The following ACVR1B variants were observed in gnomAD, a reference collection of about 807,000 sequenced individuals.
ACVR1B encodes activin A receptor type 1B.
In ACVR1B, 15 loss-of-function variants were observed where a neutral mutation model predicts 55.6. That is an observed-to-expected ratio of 0.27 (90% CI 0.18 to 0.42). The LOEUF is 0.42. Among genes scored for constraint, ACVR1B ranks in the 10% least tolerant of loss-of-function variants. ACVR1B has a pLI of 1.00. For synonymous variants in ACVR1B, 247 were observed against 254.6 expected (o/e 0.97, Z 0.28); for missense variants, 359 against 670.1 (o/e 0.54, Z 5.13).
intron 4 of ACVR1B, chr12:51,982,735 T>A: frequency 6.5e-7 from 1 of 1,534,594 alleles, no homozygotes. Flanking sequence ...TGGTCTCTGC[T>A]GCCCCCAAGC....
chr12:51,963,363 A>G (rs1022404895), intron 1 of ACVR1B, among the ~76,000 whole-genome samples: 4 of 151,896 alleles, frequency 2.6e-5, no homozygotes, highest in African/African-American at 9.7e-5. Flanking sequence ...TCCTGTCTCA[A>G]CCTTCTGAGT....
At chr12:51,976,728 C>G (rs1565616947) in intron 3 of ACVR1B, among the ~76,000 whole-genome samples, 153 bp downstream of exon 3, 2 of 151,780 alleles carry the variant, frequency 1.3e-5, no homozygotes, top group South Asian at 4.1e-4. Flanking sequence ...TGGAGTCTGA[C>G]GTGTAATAAG....
chr12:51,980,511 C>T (rs1432852037), intron 3 of ACVR1B, among the ~76,000 whole-genome samples: 1 of 152,172 alleles, frequency 6.6e-6, no homozygotes, highest in Non-Finnish European at 1.5e-5. Flanking sequence ...ACAGCACTGC[C>T]CTCTAGTGGC....
chr12:51,986,220 C>T (rs1279280106), intron 6 of ACVR1B, among the ~76,000 whole-genome samples: 1 of 152,150 alleles, frequency 6.6e-6, no homozygotes, highest in Non-Finnish European at 1.5e-5. Context: ...GTACTTCTGC[C>T]AAGAAGTCAA....
At chr12:51,967,417 G>A (rs1723710770) in intron 1 of ACVR1B, among the ~76,000 whole-genome samples, 1 of 151,896 alleles carries the variant, frequency 6.6e-6, no homozygotes, top group African/African-American at 2.4e-5. Context: ...AAATTAGTTG[G>A]GTGTGGTGGC....
chr12:51,964,024 A>G (rs111327786), intron 1 of ACVR1B, among the ~76,000 whole-genome samples: 19,288 of 152,282 alleles, frequency 0.13, 1,699 homozygotes, highest in Non-Finnish European at 0.19. Flanking sequence ...TTTGATTTGC[A>G]TTTGAATTTG....
intron 7 of ACVR1B, among the ~76,000 whole-genome samples, chr12:51,990,610 C>T (rs1942172370): frequency 6.6e-6 from 1 of 152,126 alleles, no homozygotes; most frequent in Non-Finnish European, 1.5e-5. Context: ...GCCATTGTGC[C>T]TGGCAAACAT....
intron 6 of ACVR1B, among the ~76,000 whole-genome samples, chr12:51,986,058 T>A (rs1376471886): frequency 6.6e-6 from 1 of 152,162 alleles, no homozygotes; most frequent in African/African-American, 2.4e-5. Context: ...TAGAATTAAT[T>A]TTGACATATC....
At chr12:51,977,307 A>G (rs1274460763) in intron 3 of ACVR1B, among the ~76,000 whole-genome samples, 1 of 152,058 alleles carries the variant, frequency 6.6e-6, no homozygotes, top group Non-Finnish European at 1.5e-5. Flanking sequence ...TTATGTATTT[A>G]TTTATTTAGA....
chr12:51,960,021 A>G (rs929412707), intron 1 of ACVR1B: 6 of 152,014 alleles, frequency 3.9e-5, no homozygotes, highest in Admixed American at 3.9e-4. Context: ...ATAAGATTGA[A>G]TTGTAATCAG....
At chr12:51,959,792 A>G (rs1477696883) in intron 1 of ACVR1B, among the ~76,000 whole-genome samples, 2 of 152,246 alleles carry the variant, frequency 1.3e-5, no homozygotes, top group Middle Eastern at 3.4e-3. Flanking sequence ...TCATCTGACT[A>G]TAACTTTTTT....
At chr12:51,972,711 T>G (rs1298465739) in intron 1 of ACVR1B, among the ~76,000 whole-genome samples, 1 of 152,246 alleles carries the variant, frequency 6.6e-6, no homozygotes, top group Non-Finnish European at 1.5e-5. Context: ...TGGCTACTAG[T>G]GATGGTAATT....
chr12:51,986,519 C>T (rs1419287020), intron 6 of ACVR1B, among the ~76,000 whole-genome samples: 1 of 152,224 alleles, frequency 6.6e-6, no homozygotes, highest in African/African-American at 2.4e-5. Context: ...CTTGGCCTCC[C>T]AAAGTGCTGG....
chr12:51,973,970 C>A (rs554032064), intron 1 of ACVR1B, among the ~76,000 whole-genome samples: 2 of 152,128 alleles, frequency 1.3e-5, no homozygotes, highest in African/African-American at 4.8e-5. Context: ...CCAAGAGATG[C>A]CTTTCAGAAT....
intron 1 of ACVR1B, among the ~76,000 whole-genome samples, chr12:51,964,656 G>A (rs980447419): frequency 6.6e-6 from 1 of 152,156 alleles, no homozygotes; most frequent in Non-Finnish European, 1.5e-5. Context: ...TGTTAGGTAA[G>A]GGTCTGACTT....
At chr12:51,992,084 A>C in intron 8 of ACVR1B, 91 bp downstream of exon 8, 1 of 1,535,556 alleles carries the variant, frequency 6.5e-7, no homozygotes, top group South Asian at 1.1e-5. Context: ...GCCCCAGAGG[A>C]GCCCCCTGAG....
chr12:51,954,411 A>C (rs936746999), intron 1 of ACVR1B, among the ~76,000 whole-genome samples: 2 of 152,258 alleles, frequency 1.3e-5, no homozygotes, highest in African/African-American at 4.8e-5. Flanking sequence ...GACAAAAGCA[A>C]CAAGAGAGAT....
chr12:51,983,703 C>G (rs1942025484), intron 4 of ACVR1B, among the ~76,000 whole-genome samples: 1 of 152,204 alleles, frequency 6.6e-6, no homozygotes, highest in African/African-American at 2.4e-5. Context: ...CCTCCTCTTT[C>G]CTGAGTACCT....
At chr12:51,967,096 C>T (rs113749640) in intron 1 of ACVR1B, among the ~76,000 whole-genome samples, 11 of 151,108 alleles carry the variant, frequency 7.3e-5, no homozygotes, top group African/African-American at 2.4e-4. Context: ...AAAAATTAGC[C>T]GGACGTGGTG....
Sources: gnomAD v4.1 joint callset for allele counts (sites outside exome capture counted in the v4.1 genomes callset) on GRCh38, gnomAD v4.1.1 for gene constraint, MANE v1.5 for transcripts, NCBI Gene and HGNC (gene_info 2026-07-23, HGNC 2026-07-21) for gene names.